Variants in EIF3D observed in about 807,000 individuals in gnomAD.
The protein encoded by EIF3D is eukaryotic translation initiation factor 3 subunit D.
A neutral mutation model predicts 75.4 loss-of-function variants in EIF3D; 10 were observed. That is an observed-to-expected ratio of 0.13 (90% CI 0.08 to 0.22). EIF3D has a LOEUF of 0.22. EIF3D is among the 10% of genes least tolerant of loss of function. EIF3D has a pLI of 1.00. For missense variants in EIF3D, 394 were observed against 708.0 expected, an observed-to-expected ratio of 0.56 and a Z score of 5.03; for synonymous variants, 246 against 248.3, an observed-to-expected ratio of 0.99 and a Z score of 0.09.
Position 36,511,502 on chromosome 22 carries a change from C to A in EIF3D, c.1633+1G>T, listed in dbSNP as rs1934334874. 1 of 1,613,724 alleles carries A rather than the reference C, an allele frequency of 6.2e-7. No homozygotes were observed. Among genetic ancestry groups the A allele is most frequent in the Non-Finnish European group, 8.5e-7 (1 of 1,179,982 alleles). The stretch of plus-strand genomic sequence containing the variant: ...ACCTCAGAAAGTGGGCTGCTACACA[C>A]CTTCTTCTTCCTCTTCTTCCTCCTC... On this transcript the variant is annotated splice_donor_variant, in intron 14 of 14. Coordinates refer to ENST00000216190, the MANE Select transcript of EIF3D (RefSeq NM_003753.4). LOFTEE classifies it high-confidence loss of function.
chr22:36,521,448 T>C (rs1934510963), intron 6 of EIF3D, among the ~76,000 whole-genome samples: 1 of 152,184 alleles, frequency 6.6e-6, no homozygotes, highest in South Asian at 2.1e-4. Flanking sequence ...AAATGTAGCT[T>C]CACTTTTGCT....
intron 12 of EIF3D, among the ~76,000 whole-genome samples, chr22:36,515,405 A>G (rs989684855): frequency 3.9e-5 from 6 of 152,126 alleles, no homozygotes; most frequent in Non-Finnish European, 5.9e-5. Context: ...GTGCATGCCT[A>G]TAATCCTAGC....
At chr22:36,520,536 C>T (rs373238372) in intron 7 of EIF3D, 40 bp downstream of exon 7, 7 of 1,434,986 alleles carry the variant, frequency 4.9e-6, no homozygotes, top group Non-Finnish European at 6.9e-6. Flanking sequence ...GGTCCACACA[C>T]ATAAGAGCAG....
intron 9 of EIF3D, among the ~76,000 whole-genome samples, chr22:36,518,037 C>T (rs1934454241): frequency 6.6e-6 from 1 of 152,094 alleles, no homozygotes; most frequent in Admixed American, 6.6e-5. Flanking sequence ...TTGTGAGCCA[C>T]CGTGTCCAGC....
In EIF3D at chr22:36,510,895, T is replaced by C; in HGVS notation, c.*92A>G. On this transcript the variant is annotated 3_prime_UTR_variant, in exon 15 of 15. Coordinates refer to ENST00000216190, the MANE Select transcript of EIF3D (RefSeq NM_003753.4). ...TATATATTTTATTTCATCTGCTAAA[T>C]GTCAGAGAGCAAGTTAGACACACAT... The C allele has an allele frequency of 1.4e-6, 2 of 1,419,724 alleles. No individual in the cohort carries two copies. The highest frequency in any genetic ancestry group is 1.4e-5 in the South Asian group (1 of 71,352). 87.9% of individuals were successfully genotyped at this position (1,419,724 alleles called of 1,614,324 possible).
rs1034601093 is a variant in EIF3D at position 36,512,545 on chromosome 22, C to T, written c.1264G>A (p.Ala422Thr). The T allele has an allele frequency of 6.2e-7, 1 of 1,614,076 alleles. No individual in the cohort carries two copies. The highest frequency in any genetic ancestry group is 8.5e-7 in the Non-Finnish European group (1 of 1,180,044). ...KLDSQRGAVI[A>T]TELKNNSYKL... ...TAGCTGTTGTTCTTCAGCTCCGTGG[C>T]AATGACAGCCCCTCGCTGAGAGTCC... The change falls in exon 13 of 15, where the codon GCC (alanine) becomes ACC (threonine). Residue 422 changes from alanine (A) to threonine (T), a missense_variant. Coordinates refer to ENST00000216190, the MANE Select transcript of EIF3D (RefSeq NM_003753.4).
At chr22:36,517,240 C>T in intron 10 of EIF3D, 61 bp downstream of exon 10, 1 of 1,609,916 alleles carries the variant, frequency 6.2e-7, no homozygotes, top group Non-Finnish European at 8.5e-7. Context: ...AAAGCAGATG[C>T]TCCACAAACA....
intron 10 of EIF3D, 49 bp downstream of exon 10, chr22:36,517,252 C>T (rs927335259): frequency 1.9e-6 from 3 of 1,612,168 alleles, no homozygotes; most frequent in Non-Finnish European, 2.5e-6. Flanking sequence ...CCACAAACAG[C>T]AGCTGATTAA....
At chr22:36,517,069 T>C in intron 10 of EIF3D, 2 of 621,512 alleles carry the variant, frequency 3.2e-6, no homozygotes. Context: ...TTATTATTTA[T>C]TGTTCACTGT....
chr22:36,511,614 T>G lies in EIF3D; in HGVS notation c.1522A>C (p.Ile508Leu). The G allele has an allele frequency of 1.2e-6, 2 of 1,614,136 alleles. No individual in the cohort carries two copies. The highest frequency in any genetic ancestry group is 1.7e-6 in the Non-Finnish European group (2 of 1,180,016). ...CMKLEEGKYL[I>L]LKDPNKQVIR... The stretch of plus-strand genomic sequence containing the variant: ...ACCTGCTTGTTGGGGTCCTTGAGGA[T>G]GAGGTATTTGCCCTCCTCCAGCTTC... Residue 508 changes from isoleucine (I) to leucine (L), a missense_variant, in exon 14 of 15, where the codon ATC becomes CTC. Physicochemically the swap from Ile to Leu is conservative, Grantham distance 5. Coordinates refer to ENST00000216190, the MANE Select transcript of EIF3D (RefSeq NM_003753.4).
Position 36,523,936 on chromosome 22 carries a change from GAACTGC to G in EIF3D, c.345_350del (p.Leu115_Gln116del). 6.2e-7 allele frequency: 1 copy of G among 1,614,114 alleles called. No homozygotes were observed. Among genetic ancestry groups the G allele is most frequent in the Non-Finnish European group, 8.5e-7 (1 of 1,180,022 alleles). ...CACTCTTAGGCAGGATCTGCAGGTT[GAACTGC>G]AACATGTTCCGACGATCTTTGTCTC... On this transcript the variant is annotated inframe_deletion, in exon 5 of 15. Coordinates refer to ENST00000216190, the MANE Select transcript of EIF3D (RefSeq NM_003753.4).
Position 36,523,833 on chromosome 22 carries a change from G to A in EIF3D, c.392+62C>T, listed in dbSNP as rs144881356. The A allele has an allele frequency of 9.4e-6, 14 of 1,485,494 alleles. 1 individual carries two copies. In the African/African-American group the frequency reaches 1.1e-4, roughly 12 times the overall value. 92.0% of individuals were successfully genotyped at this position (1,485,494 alleles called of 1,614,324 possible). A position where few individuals can be genotyped will look rare whatever the true frequency, so the allele number is the denominator to read the frequency against. ...ACAACCATCCTCCTGCTTTGGTCCT[G>A]TGGTTTCCAAATACGGCCAGTCTGG... On this transcript the variant is annotated intron_variant, in intron 5 of 14. Transcript: ENST00000216190.
chr22:36,519,300 A>C, intron 8 of EIF3D, 105 bp downstream of exon 8: 6 of 1,508,898 alleles, frequency 4.0e-6, no homozygotes, highest in Non-Finnish European at 5.4e-6. Flanking sequence ...GCTTTTACCT[A>C]TAATACATAC....
At position 36,519,470 on chromosome 22, in the gene EIF3D, G is replaced by T. The variant is rs747546014; in HGVS notation, c.646C>A (p.Pro216Thr). 1.2e-6 allele frequency: 2 copies of T among 1,614,194 alleles called. No individual in the cohort carries two copies. Among genetic ancestry groups the T allele is most frequent in the Admixed American group, 1.7e-5 (1 of 60,014 alleles). The change falls in exon 8 of 15, where the codon CCA becomes ACA. Residue 216 changes from proline to threonine, a missense_variant. Physicochemically the swap from Pro to Thr is conservative, Grantham distance 38. Transcript: ENST00000216190. ...FDRITTRSEKPLRSIKRIFHT... is the reference protein window; with the variant it reads ...FDRITTRSEKTLRSIKRIFHT... Reference sequence around the variant, plus strand: ...AAGATGCGCTTGATGCTCCGCAGTGGCTTCTCACTCCTCGTGGTGATGCGG... The same window carrying T: ...AAGATGCGCTTGATGCTCCGCAGTGTCTTCTCACTCCTCGTGGTGATGCGG...
chr22:36,514,917 T>C (rs1295984857), intron 12 of EIF3D, among the ~76,000 whole-genome samples: 1 of 152,134 alleles, frequency 6.6e-6, no homozygotes, highest in Admixed American at 6.6e-5. Flanking sequence ...GACTTCCCCC[T>C]TTGGCACTAT....
intron 9 of EIF3D, 25 bp downstream of exon 9, chr22:36,518,738 G>A (rs1343658083): frequency 6.2e-7 from 1 of 1,612,892 alleles, no homozygotes; most frequent in African/African-American, 1.3e-5. Flanking sequence ...ATGCCTTTGA[G>A]TTGCTCCCCA....
intron 6 of EIF3D, among the ~76,000 whole-genome samples, chr22:36,521,870 G>C (rs1934519690): frequency 6.6e-6 from 1 of 152,084 alleles, no homozygotes; most frequent in Non-Finnish European, 1.5e-5. Context: ...CCGGGAGGCG[G>C]AGGTTGCAGT....
intron 9 of EIF3D, among the ~76,000 whole-genome samples, chr22:36,517,809 G>A (rs1288293673): frequency 6.6e-6 from 1 of 152,014 alleles, no homozygotes; most frequent in Non-Finnish European, 1.5e-5. Flanking sequence ...GTGCAGTGGT[G>A]TGTCCACGGC....
chr22:36,518,479 ACTCT>A (rs1393896878), intron 9 of EIF3D, among the ~76,000 whole-genome samples: 2 of 143,986 alleles, frequency 1.4e-5, no homozygotes, highest in Admixed American at 7.3e-5. Context: ...ACAGAGTGAG[ACTCT>A]CTGTCTCAAT....
Sources: gnomAD v4.1 joint callset for allele counts (sites outside exome capture counted in the v4.1 genomes callset) on GRCh38, gnomAD v4.1.1 for gene constraint, MANE v1.5 for transcripts, NCBI Gene and HGNC (gene_info 2026-07-23, HGNC 2026-07-21) for gene names.